The following PRKN variants were observed in gnomAD, a reference collection of about 807,000 sequenced individuals.
PRKN encodes parkin RBR E3 ubiquitin protein ligase.
Under a neutral mutation model 59.5 loss-of-function variants are expected in PRKN, and 56 were observed. The observed-to-expected ratio is 0.94, with a 90% CI of 0.76 to 1.18. The LOEUF (loss-of-function observed/expected upper bound fraction) is 1.18. Among genes scored for constraint, PRKN ranks in the 50% most tolerant of loss-of-function variants. The pLI is 0.00. For missense variants in PRKN, 657 were observed against 596.4 expected (o/e 1.10, Z -1.06); for synonymous variants, 250 against 222.1 (o/e 1.13, Z -1.12).
intron 9 of PRKN, among the ~76,000 whole-genome samples, chr6:161,490,254 G>C (rs1338022354): frequency 6.6e-6 from 1 of 151,982 alleles, no homozygotes; most frequent in African/African-American, 2.4e-5. Context: ...CAGCACAAAA[G>C]TGCCATGGCG....
chr6:162,134,919 G>A (rs531928702), intron 4 of PRKN, among the ~76,000 whole-genome samples: 15 of 152,118 alleles, frequency 9.9e-5, no homozygotes, highest in South Asian at 4.1e-4. Flanking sequence ...AGGTTTAATC[G>A]AAACTGTTCA....
At chr6:161,867,658 T>C (rs1314641251) in intron 6 of PRKN, among the ~76,000 whole-genome samples, 1 of 152,202 alleles carries the variant, frequency 6.6e-6, no homozygotes, top group Non-Finnish European at 1.5e-5. Context: ...TTTGGCATCA[T>C]AATGAGTGAC....
chr6:162,133,940 AAAAG>A (rs1222662692), intron 4 of PRKN, among the ~76,000 whole-genome samples: 2 of 152,148 alleles, frequency 1.3e-5, no homozygotes, highest in African/African-American at 2.4e-5. Flanking sequence ...TTTTAGTAGA[AAAAG>A]AAAGAGAGAA....
rs190160953 is a variant in PRKN, at chr6:162,591,531, A to C, written c.7+136131T>G. 1.4e-4 allele frequency among the ~76,000 whole-genome samples: 22 copies of C among 152,282 alleles called. 1 individual carries two copies. Among genetic ancestry groups the C allele is most frequent in the Admixed American group, 1.4e-3 (22 of 15,298 alleles). On this transcript the variant is annotated intron_variant, in intron 1 of 11. Coordinates refer to ENST00000366898, the MANE Select transcript of PRKN (RefSeq NM_004562.3). ...TGTAAGATTATTCTTGTGAAGAAAA[A>C]AATGACTAAAAGGAACATTTAAATG...
chr6:162,339,174 G>A (rs866140901), intron 2 of PRKN, among the ~76,000 whole-genome samples: 82 of 148,378 alleles, frequency 5.5e-4, no homozygotes, highest in Non-Finnish European at 6.3e-4. Context: ...CTCTCCGCCC[G>A]GCAGCCACCC....
intron 4 of PRKN, among the ~76,000 whole-genome samples, chr6:162,078,811 G>A (rs9365369): frequency 0.42 from 64,043 of 151,608 alleles, 14,495 homozygotes; most frequent in East Asian, 0.61. Context: ...ATCACAACTC[G>A]GAGCCATTAA....
intron 1 of PRKN, among the ~76,000 whole-genome samples, chr6:162,498,603 G>A (rs1339638482): frequency 1.3e-5 from 2 of 150,732 alleles, no homozygotes; most frequent in African/African-American, 2.4e-5. Flanking sequence ...GCACCACCAC[G>A]CCTGGCTAAT....
chr6:162,546,740 G>A (rs2087167395), intron 1 of PRKN, among the ~76,000 whole-genome samples: 1 of 152,094 alleles, frequency 6.6e-6, no homozygotes, highest in African/African-American at 2.4e-5. Flanking sequence ...CACCGCGCCT[G>A]GCCCAACACA....
chr6:162,532,996 A>G (rs1778573913), intron 1 of PRKN, among the ~76,000 whole-genome samples: 1 of 152,192 alleles, frequency 6.6e-6, no homozygotes, highest in African/African-American at 2.4e-5. Flanking sequence ...CTGACAACCT[A>G]AACTACATCT....
intron 1 of PRKN, among the ~76,000 whole-genome samples, chr6:162,596,157 G>A (rs1781488394): frequency 6.6e-6 from 1 of 152,078 alleles, no homozygotes; most frequent in South Asian, 2.1e-4. Context: ...AAAAATATGT[G>A]GAATTCTAAA....
intron 1 of PRKN, among the ~76,000 whole-genome samples, chr6:162,660,309 T>G (rs1409353826): frequency 2.6e-5 from 4 of 152,180 alleles, no homozygotes; most frequent in Non-Finnish European, 5.9e-5. Flanking sequence ...TGCTAAATGA[T>G]TCAGTCCAGC....
chr6:161,886,185 A>C (rs1795141489), intron 6 of PRKN, among the ~76,000 whole-genome samples: 1 of 152,238 alleles, frequency 6.6e-6, no homozygotes, highest in Non-Finnish European at 1.5e-5. Context: ...ATAAGAATTA[A>C]ATTTTTAACT....
intron 6 of PRKN, among the ~76,000 whole-genome samples, chr6:161,945,737 C>T (rs1038248605): frequency 6.6e-6 from 1 of 152,174 alleles, no homozygotes; most frequent in African/African-American, 2.4e-5. Flanking sequence ...ATCCCACCTG[C>T]ACTTCGAGAT....
At chr6:162,615,806 T>C (rs1335426497) in intron 1 of PRKN, among the ~76,000 whole-genome samples, 1 of 152,216 alleles carries the variant, frequency 6.6e-6, no homozygotes, top group African/African-American at 2.4e-5. Context: ...AAACCCTACT[T>C]GTCAGGGGAC....
chr6:161,972,418 T>C (rs1780852724), intron 6 of PRKN, among the ~76,000 whole-genome samples: 1 of 152,190 alleles, frequency 6.6e-6, no homozygotes, highest in Non-Finnish European at 1.5e-5. Context: ...GAGTAAGGAA[T>C]TGTACTCTGA....
chr6:161,666,625 G>C (rs1296768428), intron 7 of PRKN, among the ~76,000 whole-genome samples: 7 of 152,154 alleles, frequency 4.6e-5, no homozygotes, highest in Non-Finnish European at 8.8e-5. Flanking sequence ...TACATGCAAG[G>C]CAAATTTACT....
chr6:161,788,367 T>G (rs59804179), intron 6 of PRKN, among the ~76,000 whole-genome samples: 6,505 of 152,180 alleles, frequency 0.043, 461 homozygotes, highest in African/African-American at 0.15. Flanking sequence ...GGTCCAAGTC[T>G]TGGGGCCTGG....
At chr6:161,439,191 C>T (rs1051023174) in intron 9 of PRKN, among the ~76,000 whole-genome samples, 3 of 152,174 alleles carry the variant, frequency 2.0e-5, no homozygotes, top group African/African-American at 7.2e-5. Flanking sequence ...AGGAAGCTGA[C>T]GCCAACGGGC....
Position 161,409,710 on chromosome 6 carries a change from G to A in PRKN, c.1084-22833C>T, listed in dbSNP as rs1189312161. Among the ~76,000 whole-genome samples the A allele has an allele frequency of 1.3e-5, 2 of 152,176 alleles. No individual in the cohort carries two copies. The highest frequency in any genetic ancestry group is 2.9e-5 in the Non-Finnish European group (2 of 68,042). On this transcript the variant is annotated intron_variant, in intron 9 of 11. Coordinates refer to ENST00000366898, the MANE Select transcript of PRKN (RefSeq NM_004562.3). This position sits in a 1 kb window ranked among gnomAD's most constrained non-coding sequence, Gnocchi z 4.6. ...AAGACCCAATTTGAGGTCACGTGCT[G>A]CAAACCCAGTGTTCTTTCAGAGTCA... is the stretch of plus-strand genomic sequence containing the variant.
Sources: gnomAD v4.1 joint callset for allele counts (sites outside exome capture counted in the v4.1 genomes callset) on GRCh38, gnomAD v4.1.1 for gene constraint, Gnocchi (gnomAD v3.1) non-coding constraint, MANE v1.5 for transcripts, NCBI Gene and HGNC (gene_info 2026-07-23, HGNC 2026-07-21) for gene names.